The following PRKN variants were observed in gnomAD, a reference collection of about 807,000 sequenced individuals.
PRKN encodes the protein E3 ubiquitin-protein ligase parkin.
PRKN carries 56 observed loss-of-function variants against 59.5 expected under a neutral mutation model. The ratio of observed to expected loss-of-function variants is 0.94; its 90% confidence interval spans 0.76 to 1.18. The LOEUF (loss-of-function observed/expected upper bound fraction) is 1.18. Ranked by LOEUF, PRKN falls within the 50% of genes most tolerant of loss-of-function variation. The pLI, the probability that PRKN is intolerant of heterozygous loss-of-function variation, is 0.00. For synonymous variants in PRKN, 250 were observed against 222.1 expected, an observed-to-expected ratio of 1.13 and a Z score of -1.12; for missense variants, 657 against 596.4, an observed-to-expected ratio of 1.10 and a Z score of -1.06.
chr6:162,119,007 T>C (rs1482349942), intron 4 of PRKN, among the ~76,000 whole-genome samples: 1 of 152,216 alleles, frequency 6.6e-6, no homozygotes, highest in Non-Finnish European at 1.5e-5. Flanking sequence ...GGTATGCCTA[T>C]TGGTTATGGA....
intron 9 of PRKN, among the ~76,000 whole-genome samples, chr6:161,531,505 C>CTA (rs1049694566): frequency 2.0e-5 from 3 of 152,218 alleles, no homozygotes; most frequent in Admixed American, 2.0e-4. Flanking sequence ...AAGAAGTCAA[C>CTA]TAAATGAGTT....
chr6:162,223,662 A>AC (rs1778038379), intron 3 of PRKN, among the ~76,000 whole-genome samples: 1 of 37,432 alleles, frequency 2.7e-5, no homozygotes, highest in Non-Finnish European at 4.1e-5. Context: ...CACACACACA[A>AC]ACATAATGCT....
intron 1 of PRKN, among the ~76,000 whole-genome samples, chr6:162,678,767 T>C (rs186031260): frequency 1.3e-5 from 2 of 152,272 alleles, no homozygotes; most frequent in African/African-American, 4.8e-5. Context: ...CTTTTATCAA[T>C]GTGGTTTTTT....
At chr6:161,633,005 C>T (rs1421513453) in intron 7 of PRKN, among the ~76,000 whole-genome samples, 1 of 152,184 alleles carries the variant, frequency 6.6e-6, no homozygotes, top group Non-Finnish European at 1.5e-5. Context: ...ATCATTGTCT[C>T]TCTCTGTTAG....
intron 3 of PRKN, among the ~76,000 whole-genome samples, chr6:162,250,714 T>A (rs1011259171): frequency 5.3e-5 from 8 of 152,234 alleles, no homozygotes; most frequent in Non-Finnish European, 8.8e-5. Context: ...GCAATGCATC[T>A]CCAATTATTG....
chr6:162,691,273 GCA>G (rs1052250437), intron 1 of PRKN, among the ~76,000 whole-genome samples: 22 of 151,818 alleles, frequency 1.4e-4, no homozygotes, highest in African/African-American at 5.1e-4. Context: ...TTCAATTTAT[GCA>G]CACTTAAAAC....
chr6:162,548,050 AGTTTTTTGTTTTT>A (rs1276212783), intron 1 of PRKN, among the ~76,000 whole-genome samples: 2 of 118,284 alleles, frequency 1.7e-5, no homozygotes, highest in African/African-American at 6.4e-5. Context: ...TTCCTCTCTG[AGTTTTTTGTTTTT>A]GTTTTTGTTT....
chr6:162,671,437 T>G (rs1282159408), intron 1 of PRKN, among the ~76,000 whole-genome samples: 1 of 147,206 alleles, frequency 6.8e-6, no homozygotes, highest in Non-Finnish European at 1.5e-5. Context: ...AGGCGGAGGA[T>G]GCAGTGAGCC....
chr6:162,013,446 A>G (rs1782813610), intron 5 of PRKN, among the ~76,000 whole-genome samples: 1 of 151,462 alleles, frequency 6.6e-6, no homozygotes, highest in Non-Finnish European at 1.5e-5. Flanking sequence ...GAGGAGCCCT[A>G]GTATTTTTAG....
At chr6:161,736,729 C>A (rs1342244466) in intron 7 of PRKN, among the ~76,000 whole-genome samples, 2 of 152,206 alleles carry the variant, frequency 1.3e-5, no homozygotes, top group African/African-American at 4.8e-5. Flanking sequence ...GTAAGATATA[C>A]AACTTTCTGG....
rs1020753781 is a variant in PRKN at position 161,395,954 on chromosome 6, A to G, written c.1084-9077T>C. Reference sequence around the variant, plus strand: ...CCAACAAATTAGAGGTCCAGGTTAGAGAGAAAGAAACAGTGAATGGGGGAA... The same window carrying G: ...CCAACAAATTAGAGGTCCAGGTTAGGGAGAAAGAAACAGTGAATGGGGGAA... On this transcript the variant is annotated intron_variant, in intron 9 of 11. Coordinates refer to ENST00000366898, the MANE Select transcript of PRKN (RefSeq NM_004562.3). The surrounding 1 kb of genome is among the most constrained non-coding windows in gnomAD (Gnocchi z 5.0). 6.6e-6 allele frequency among the ~76,000 whole-genome samples: 1 copy of G among 152,120 alleles called. No individual in the cohort carries two copies.
chr6:161,521,891 T>C (rs971522275), intron 9 of PRKN, among the ~76,000 whole-genome samples: 1 of 152,208 alleles, frequency 6.6e-6, no homozygotes, highest in African/African-American at 2.4e-5. Flanking sequence ...GAACATGCAC[T>C]TGATACTCAA....
chr6:161,631,106 C>A (rs1019674826), intron 7 of PRKN, among the ~76,000 whole-genome samples: 1 of 152,118 alleles, frequency 6.6e-6, no homozygotes, highest in African/African-American at 2.4e-5. Flanking sequence ...AGGGTGGGAG[C>A]CCAGCAATGG....
At chr6:162,513,903 A>C (rs1030853351) in intron 1 of PRKN, among the ~76,000 whole-genome samples, 4 of 151,830 alleles carry the variant, frequency 2.6e-5, no homozygotes, top group African/African-American at 9.7e-5. Context: ...AAAATACAAA[A>C]AATATGGTGA....
intron 9 of PRKN, among the ~76,000 whole-genome samples, chr6:161,537,057 A>G: frequency 6.6e-6 from 1 of 152,218 alleles, no homozygotes; most frequent in East Asian, 1.9e-4. Flanking sequence ...CTTTACAACA[A>G]TACAATACTG....
chr6:161,384,957 G>T (rs1444353274), intron 10 of PRKN, among the ~76,000 whole-genome samples: 2 of 152,174 alleles, frequency 1.3e-5, no homozygotes, highest in Non-Finnish European at 2.9e-5. Context: ...TGGGGATGGA[G>T]TCTCACTCTG....
At chr6:162,227,359 A>G (rs754214934) in intron 3 of PRKN, among the ~76,000 whole-genome samples, 4 of 152,090 alleles carry the variant, frequency 2.6e-5, no homozygotes, top group Non-Finnish European at 5.9e-5. Context: ...GCTTTTCATT[A>G]TCTGGAATAA....
intron 5 of PRKN, among the ~76,000 whole-genome samples, chr6:162,020,600 A>C (rs1308790373): frequency 1.3e-5 from 2 of 152,168 alleles, no homozygotes; most frequent in Non-Finnish European, 2.9e-5. Context: ...AAAAAAGTTC[A>C]AGCTTATCAG....
rs752375470 is a variant in PRKN at position 161,392,213 on chromosome 6, G to A, written c.1084-5336C>T. 1.3e-5 allele frequency among the ~76,000 whole-genome samples: 2 copies of A among 150,802 alleles called. 1 individual carries two copies. ...GGCCTCCCAAAGTGCTGGGATTACA[G>A]GTGTGAACCACCAATACAAAAATTA... is the stretch of plus-strand genomic sequence containing the variant. On this transcript the variant is annotated intron_variant, in intron 9 of 11. Transcript: ENST00000366898.
Sources: gnomAD v4.1 joint callset for allele counts (sites outside exome capture counted in the v4.1 genomes callset) on GRCh38, gnomAD v4.1.1 for gene constraint, Gnocchi (gnomAD v3.1) non-coding constraint, MANE v1.5 for transcripts, NCBI Gene and HGNC (gene_info 2026-07-23, HGNC 2026-07-21) for gene names.